The following SOX5 variants were observed in gnomAD, a reference collection of about 807,000 sequenced individuals.
SOX5 encodes SRY-box transcription factor 5, also known as transcription factor SOX-5.
In SOX5, 9 loss-of-function variants were observed where a neutral mutation model predicts 92.0. That is an observed-to-expected ratio of 0.10 (90% confidence interval 0.06 to 0.17). The LOEUF (loss-of-function observed/expected upper bound fraction) is 0.17, where lower values mean the gene tolerates loss of function less well. Ranked by LOEUF, SOX5 falls within the 10% of genes least tolerant of loss-of-function variation. The probability of loss-of-function intolerance (pLI) is 1.00; values close to 1 mark genes in which losing one functional copy is unlikely to be tolerated. For synonymous variants in SOX5, 344 were observed against 336.3 expected, an observed-to-expected ratio of 1.02 and a Z score of -0.25; for missense variants, 642 against 944.5, an observed-to-expected ratio of 0.68 and a Z score of 4.20.
intron 2 of SOX5, among the ~76,000 whole-genome samples, chr12:24,292,137 C>A (rs1192606735): frequency 6.6e-6 from 1 of 152,196 alleles, no homozygotes; most frequent in Non-Finnish European, 1.5e-5. Flanking sequence ...GCACTTCAAA[C>A]ACAGTTGTTT....
At chr12:24,395,258 A>G (rs1959623057) in intron 1 of SOX5, among the ~76,000 whole-genome samples, 1 of 152,230 alleles carries the variant, frequency 6.6e-6, no homozygotes, top group East Asian at 1.9e-4. Context: ...TAAAAAAAAA[A>G]AGAGCTACCA....
At chr12:24,417,812 C>G (rs113824096) in intron 1 of SOX5, among the ~76,000 whole-genome samples, 2 of 152,242 alleles carry the variant, frequency 1.3e-5, no homozygotes, top group East Asian at 3.9e-4. Flanking sequence ...AGGACACTCT[C>G]TGACCTGGAA....
At chr12:23,739,035 G>A (rs1283895542) in intron 5 of SOX5, among the ~76,000 whole-genome samples, 2 of 152,138 alleles carry the variant, frequency 1.3e-5, no homozygotes, top group Non-Finnish European at 1.5e-5. Context: ...AAATAAGGGG[G>A]TGGAAAAAAG....
chr12:23,874,162 T>C (rs1482087676), intron 2 of SOX5, among the ~76,000 whole-genome samples: 2 of 152,228 alleles, frequency 1.3e-5, no homozygotes, highest in African/African-American at 2.4e-5. Context: ...CATTTATCTC[T>C]GGCCTGGAAA....
intron 1 of SOX5, among the ~76,000 whole-genome samples, chr12:23,904,512 C>G (rs1037305022): frequency 6.6e-6 from 1 of 152,100 alleles, no homozygotes; most frequent in African/African-American, 2.4e-5. Context: ...GAGTAGAGAT[C>G]AACAAAATTT....
At chr12:23,644,364 G>T (rs1234438564) in intron 7 of SOX5, among the ~76,000 whole-genome samples, 1 of 152,176 alleles carries the variant, frequency 6.6e-6, no homozygotes, top group Non-Finnish European at 1.5e-5. Context: ...CGGAGCCAGA[G>T]GTACCCAGCA....
chr12:24,484,965 C>T (rs969344867), intron 1 of SOX5, among the ~76,000 whole-genome samples: 25 of 152,182 alleles, frequency 1.6e-4, no homozygotes, highest in African/African-American at 6.0e-4. Flanking sequence ...TCAGAGCGGT[C>T]AGAAACTCTG....
chr12:23,645,665 G>C (rs1276014269), intron 7 of SOX5, among the ~76,000 whole-genome samples: 2 of 151,974 alleles, frequency 1.3e-5, no homozygotes, highest in African/African-American at 2.4e-5. Flanking sequence ...TTATAATACA[G>C]ATTATTCCAT....
chr12:24,284,103 A>G (rs996475461), intron 2 of SOX5, among the ~76,000 whole-genome samples: 9 of 152,196 alleles, frequency 5.9e-5, no homozygotes, highest in Admixed American at 2.6e-4. Context: ...TCTGTCCCCA[A>G]TCCCACAAAA....
At chr12:23,816,335 G>A (rs1473400663) in intron 3 of SOX5, among the ~76,000 whole-genome samples, 5 of 151,290 alleles carry the variant, frequency 3.3e-5, no homozygotes, top group Admixed American at 1.3e-4. Flanking sequence ...TCAGCCTCTC[G>A]AGTAGCTGGG....
chr12:24,290,756 T>C lies in SOX5; in HGVS notation c.-173-13444A>G, dbSNP rs80238291. Among the ~76,000 whole-genome samples, 197 of 152,298 alleles carry C rather than the reference T, an allele frequency of 1.3e-3. 3 individuals carry two copies. In the East Asian group the frequency reaches 0.032, roughly 25 times the overall value. On this transcript the variant is annotated intron_variant, in intron 2 of 4. Coordinates refer to the SOX5 transcript ENST00000446891. ...AGTTTCAAAAGAATGTCCTAAGGGC[T>C]TTGTTGGAGTATGCACAGGAAGTTC...
At chr12:23,901,495 T>A (rs1427516735) in intron 1 of SOX5, among the ~76,000 whole-genome samples, 1 of 152,234 alleles carries the variant, frequency 6.6e-6, no homozygotes. Context: ...TCTGGAATCC[T>A]CCTACCCTAG....
At chr12:23,757,097 T>C (rs942972022) in intron 3 of SOX5, among the ~76,000 whole-genome samples, 1 of 151,936 alleles carries the variant, frequency 6.6e-6, no homozygotes, top group Non-Finnish European at 1.5e-5. Context: ...TGAAAAGCTC[T>C]GAATGATTAC....
chr12:24,094,492 T>C (rs1380870483), intron 4 of SOX5, among the ~76,000 whole-genome samples: 2 of 151,616 alleles, frequency 1.3e-5, no homozygotes, highest in Admixed American at 1.3e-4. Context: ...GAGGTGTCTT[T>C]TGATGTGTAG....
intron 6 of SOX5, among the ~76,000 whole-genome samples, chr12:23,692,870 C>A (rs2089133169): frequency 6.6e-6 from 1 of 152,160 alleles, no homozygotes; most frequent in South Asian, 2.1e-4. Flanking sequence ...TTGTTTAGAA[C>A]AGTAATATCT....
At chr12:24,222,833 A>G (rs1210882758) in intron 3 of SOX5, among the ~76,000 whole-genome samples, 8 of 152,230 alleles carry the variant, frequency 5.3e-5, no homozygotes, top group Non-Finnish European at 1.2e-4. Context: ...GGGATTTCAA[A>G]CAATACATGG....
intron 4 of SOX5, among the ~76,000 whole-genome samples, chr12:24,182,473 G>A (rs185563281): frequency 6.8e-4 from 103 of 152,212 alleles, no homozygotes; most frequent in African/African-American, 2.5e-3. Flanking sequence ...ATATATTATA[G>A]GTCTTTTCAG....
chr12:23,738,975 G>A (rs2093702412), intron 5 of SOX5, among the ~76,000 whole-genome samples: 1 of 152,046 alleles, frequency 6.6e-6, no homozygotes, highest in Non-Finnish European at 1.5e-5. Context: ...AAAATAAAAC[G>A]AACATCTTTT....
At chr12:24,218,786 C>T (rs1959678478) in intron 3 of SOX5, among the ~76,000 whole-genome samples, 1 of 151,992 alleles carries the variant, frequency 6.6e-6, no homozygotes, top group African/African-American at 2.4e-5. Flanking sequence ...ATGCAGATTA[C>T]TCCCTGATAC....
Sources: allele counts gnomAD v4.1 joint callset (sites outside exome capture counted in the v4.1 genomes callset), GRCh38; gene constraint gnomAD v4.1.1; transcripts MANE v1.5; gene names NCBI Gene and HGNC (gene_info 2026-07-23, HGNC 2026-07-21).